The following AFF3 variants were observed in gnomAD, a reference collection of about 807,000 sequenced individuals.
AFF3 encodes the protein ALF transcription elongation factor 3.
AFF3 carries 32 observed loss-of-function variants against 129.7 expected under a neutral mutation model. That is an observed-to-expected ratio of 0.25 (90% CI 0.19 to 0.33). AFF3 has a LOEUF of 0.33. Ranked by LOEUF, AFF3 falls within the 10% of genes least tolerant of loss-of-function variation. AFF3 has a pLI of 1.00. For synonymous variants in AFF3, 644 were observed against 635.4 expected, an observed-to-expected ratio of 1.01 and a Z score of -0.20; for missense variants, 1,373 against 1,592.0, an observed-to-expected ratio of 0.86 and a Z score of 2.34.
intron 4 of AFF3, among the ~76,000 whole-genome samples, chr2:100,046,397 G>T (rs546900182): frequency 6.6e-6 from 1 of 152,242 alleles, no homozygotes; most frequent in South Asian, 2.1e-4. Context: ...CAAGTAAATA[G>T]TCAATAAGTG....
intron 7 of AFF3, among the ~76,000 whole-genome samples, chr2:99,946,671 T>G (rs2106364985): frequency 6.6e-6 from 1 of 152,066 alleles, no homozygotes; most frequent in East Asian, 1.9e-4. Flanking sequence ...GTACCCTAAT[T>G]TGAAATCAAT....
chr2:99,924,746 G>A (rs923870425), intron 7 of AFF3, among the ~76,000 whole-genome samples: 5 of 152,100 alleles, frequency 3.3e-5, no homozygotes, highest in East Asian at 1.9e-4. Flanking sequence ...TGGAAAAACC[G>A]ACATCATGAG....
chr2:99,834,831 C>A (rs1004516355), intron 8 of AFF3, among the ~76,000 whole-genome samples: 1 of 152,150 alleles, frequency 6.6e-6, no homozygotes, highest in South Asian at 2.1e-4. Flanking sequence ...AATTTAGATT[C>A]TCAATGTTCC....
At chr2:99,902,386 G>A (rs576638001) in intron 7 of AFF3, among the ~76,000 whole-genome samples, 16 of 152,140 alleles carry the variant, frequency 1.1e-4, no homozygotes, top group East Asian at 1.9e-4. Context: ...TCTTCTGAAC[G>A]TTTTAAATGC....
chr2:99,960,345 T>C (rs11887597), intron 7 of AFF3, among the ~76,000 whole-genome samples: 79,653 of 151,748 alleles, frequency 0.52, 21,902 homozygotes, highest in African/African-American at 0.7. Context: ...TTAGACTCAA[T>C]CTGAACTTTC....
intron 7 of AFF3, among the ~76,000 whole-genome samples, chr2:99,963,873 T>C (rs1677473628): frequency 6.6e-6 from 1 of 151,988 alleles, no homozygotes; most frequent in Non-Finnish European, 1.5e-5. Flanking sequence ...ATGCTGTCTA[T>C]TAGAAACTGA....
intron 13 of AFF3, among the ~76,000 whole-genome samples, chr2:99,637,862 T>C (rs1683814496): frequency 6.6e-6 from 1 of 152,260 alleles, no homozygotes. Context: ...TGAACCATTA[T>C]GCATTAGATA....
chr2:100,077,755 A>C (rs981429611), intron 4 of AFF3, among the ~76,000 whole-genome samples: 3 of 152,222 alleles, frequency 2.0e-5, no homozygotes, highest in Non-Finnish European at 4.4e-5. Context: ...ATTATCAGAA[A>C]CTAACCAAGT....
At chr2:99,668,314 C>T (rs748776650) in intron 12 of AFF3, among the ~76,000 whole-genome samples, 8 of 151,562 alleles carry the variant, frequency 5.3e-5, no homozygotes, top group Admixed American at 3.3e-4. Flanking sequence ...TGGGATTACA[C>T]GTGCACACCA....
intron 2 of AFF3, chr2:100,112,362 C>T (rs971050301): frequency 1.3e-5 from 2 of 152,334 alleles, no homozygotes; most frequent in South Asian, 2.1e-4. Flanking sequence ...AGGCAGGAAA[C>T]CCCTGGAAAA....
intron 7 of AFF3, among the ~76,000 whole-genome samples, chr2:99,908,984 T>C (rs902919792): frequency 6.6e-6 from 1 of 152,186 alleles, no homozygotes; most frequent in African/African-American, 2.4e-5. Flanking sequence ...ATCCCATTAC[T>C]GGGTATATAC....
At chr2:99,664,402 T>A (rs1558718202) in intron 12 of AFF3, among the ~76,000 whole-genome samples, 1 of 152,236 alleles carries the variant, frequency 6.6e-6, no homozygotes, top group Non-Finnish European at 1.5e-5. Flanking sequence ...GTGGAGAAAC[T>A]CAGTCTCTTG....
intron 7 of AFF3, among the ~76,000 whole-genome samples, chr2:99,971,422 C>T (rs1175219895): frequency 2.0e-5 from 3 of 152,302 alleles, no homozygotes; most frequent in Admixed American, 6.5e-5. Flanking sequence ...AGGAAAATAT[C>T]CAAACTCTTC....
At chr2:100,030,094 A>G (rs998204420) in intron 4 of AFF3, among the ~76,000 whole-genome samples, 69 of 145,568 alleles carry the variant, frequency 4.7e-4, no homozygotes, top group Admixed American at 5.6e-4. Flanking sequence ...TAATAATAAT[A>G]ATAATGATAA....
chr2:99,752,239 T>C lies in AFF3; in HGVS notation c.984A>G (p.Lys328=). 2 of 1,613,594 alleles carry C rather than the reference T, an allele frequency of 1.2e-6. No individual in the cohort carries two copies. The highest frequency in any genetic ancestry group is 1.7e-6 in the Non-Finnish European group (2 of 1,179,576). Residue 328 remains lysine, a synonymous_variant, in exon 9 of 25, where the codon AAA becomes AAG. Transcript: ENST00000672756. ...IQAPGKVEPT[K]FPFPNKDSQL... ...ATCTCACCTTATTTGGAAATGGAAA[T>C]TTGGTTGGTTCCACTTTGCCAGGTG...
In AFF3 at chr2:99,730,007, T is replaced by C. The variant is rs568210116; in HGVS notation, c.1040-2879A>G. 3.9e-5 allele frequency among the ~76,000 whole-genome samples: 6 copies of C among 152,290 alleles called. No individual in the cohort carries two copies. The East Asian group carries it at 9.6e-4, about 24-fold the overall frequency. On this transcript the variant is annotated intron_variant, in intron 10 of 24. Transcript: ENST00000672756. The stretch of plus-strand genomic sequence containing the variant: ...AAAGAACTATATATGCAAATATATA[T>C]GCATATATGTAAATATATGTAAAAT...
At chr2:99,584,981 G>C (rs13405848) in intron 16 of AFF3, among the ~76,000 whole-genome samples, 1 of 152,196 alleles carries the variant, frequency 6.6e-6, no homozygotes, top group East Asian at 1.9e-4. Flanking sequence ...GGATACATGT[G>C]GGGATAGCAT....
Position 100,125,863 on chromosome 2 carries a change from G to GA in AFF3, c.-145+3360dup, listed in dbSNP as rs147667616. Among the ~76,000 whole-genome samples, 328 of 152,230 alleles carry GA rather than the reference G, an allele frequency of 2.2e-3. 3 individuals are homozygous for GA. The highest frequency in any genetic ancestry group is 7.4e-3 in the African/African-American group (308 of 41,544). ...GTGACAGGCTCCGCGTGAGCCTGGG[G>GA]AGGTAGGCAGGGGCCAGGTTTACAC... is the stretch of plus-strand genomic sequence containing the variant. On this transcript the variant is annotated intron_variant, in intron 2 of 24. Coordinates refer to ENST00000672756, the MANE Select transcript of AFF3 (RefSeq NM_001386135.1).
chr2:99,721,486 A>G (rs1380164549), intron 11 of AFF3, among the ~76,000 whole-genome samples: 4 of 150,226 alleles, frequency 2.7e-5, no homozygotes, highest in Non-Finnish European at 5.9e-5. Flanking sequence ...CTGAGATAGC[A>G]CCACTACACT....
Sources: gnomAD v4.1 joint callset for allele counts (sites outside exome capture counted in the v4.1 genomes callset) on GRCh38, gnomAD v4.1.1 for gene constraint, MANE v1.5 for transcripts, NCBI Gene and HGNC (gene_info 2026-07-23, HGNC 2026-07-21) for gene names.